Variants in PTPRD observed in about 807,000 individuals in gnomAD.
PTPRD encodes the protein protein tyrosine phosphatase receptor type D, also known as receptor-type tyrosine-protein phosphatase delta.
PTPRD carries 34 observed loss-of-function variants against 214.5 expected under a neutral mutation model. The observed-to-expected ratio is 0.16, with a 90% CI of 0.12 to 0.21. PTPRD has a LOEUF of 0.21. PTPRD is among the 10% of genes least tolerant of loss of function. The pLI is 1.00. For synonymous variants in PTPRD, 1,128 were observed against 845.7 expected (o/e 1.33, Z -5.79); for missense variants, 2,545 against 2,398.7 (o/e 1.06, Z -1.27).
chr9:8,549,053 T>G (rs2081200885), intron 14 of PTPRD, among the ~76,000 whole-genome samples: 1 of 152,068 alleles, frequency 6.6e-6, no homozygotes, highest in African/African-American at 2.4e-5. Flanking sequence ...AAAAGCAATC[T>G]CTGTCAAGGG....
chr9:9,811,773 T>C (rs914897804), intron 5 of PTPRD, among the ~76,000 whole-genome samples: 2 of 152,174 alleles, frequency 1.3e-5, no homozygotes, highest in South Asian at 2.1e-4. Context: ...GTGGATATTG[T>C]TGAAATGACA....
intron 2 of PTPRD, among the ~76,000 whole-genome samples, chr9:10,455,614 C>T (rs1012723341): frequency 6.6e-6 from 1 of 151,680 alleles, no homozygotes; most frequent in Non-Finnish European, 1.5e-5. Context: ...CTCTCTCTCC[C>T]CTTTTGTCTC....
intron 3 of PTPRD, among the ~76,000 whole-genome samples, chr9:10,302,311 C>T (rs951848262): frequency 6.6e-6 from 1 of 152,182 alleles, no homozygotes; most frequent in African/African-American, 2.4e-5. Flanking sequence ...ACTGCAAAAA[C>T]ATACCAAATT....
At chr9:10,294,866 T>G (rs1439531523) in intron 3 of PTPRD, among the ~76,000 whole-genome samples, 1 of 151,954 alleles carries the variant, frequency 6.6e-6, no homozygotes, top group Non-Finnish European at 1.5e-5. Flanking sequence ...CTAAATGGAG[T>G]AGCAATAATG....
chr9:8,851,722 T>A (rs1048688185), intron 11 of PTPRD, among the ~76,000 whole-genome samples: 7 of 152,216 alleles, frequency 4.6e-5, no homozygotes, highest in African/African-American at 1.7e-4. Context: ...AAACTGGATA[T>A]TCATTACATG....
intron 9 of PTPRD, among the ~76,000 whole-genome samples, chr9:9,250,519 G>T (rs754768573): frequency 1.3e-5 from 2 of 152,008 alleles, no homozygotes; most frequent in African/African-American, 4.8e-5. Flanking sequence ...TAACCCCAAT[G>T]ACAAAAGGTT....
At chr9:9,081,685 T>G (rs1414371002) in intron 10 of PTPRD, among the ~76,000 whole-genome samples, 1 of 152,118 alleles carries the variant, frequency 6.6e-6, no homozygotes, top group African/African-American at 2.4e-5. Flanking sequence ...GCTCCTGTAT[T>G]GGGTGCATAT....
At chr9:10,162,708 C>CGTATATATATACATATACAT (rs1564234225) in intron 3 of PTPRD, among the ~76,000 whole-genome samples, 23 of 144,570 alleles carry the variant, frequency 1.6e-4, no homozygotes, top group African/African-American at 3.8e-4. Context: ...TACATATACA[C>CGTATATATATACATATACAT]GTATATATAT....
intron 33 of PTPRD, among the ~76,000 whole-genome samples, chr9:8,456,183 G>C (rs1322846670): frequency 6.6e-6 from 1 of 152,158 alleles, no homozygotes; most frequent in South Asian, 2.1e-4. Flanking sequence ...TAATGAATAA[G>C]ACAGAGTCCT....
intron 7 of PTPRD, among the ~76,000 whole-genome samples, chr9:9,650,897 T>C (rs1390354211): frequency 6.6e-6 from 1 of 152,078 alleles, no homozygotes; most frequent in Non-Finnish European, 1.5e-5. Flanking sequence ...TATAAATAAA[T>C]GTTACATTTA....
chr9:9,441,664 A>C (rs2087885035), intron 8 of PTPRD, among the ~76,000 whole-genome samples: 1 of 152,198 alleles, frequency 6.6e-6, no homozygotes, highest in African/African-American at 2.4e-5. Flanking sequence ...ATTCTGAATC[A>C]ATGAGGCCAC....
At chr9:9,227,754 A>G (rs1435522561) in intron 9 of PTPRD, among the ~76,000 whole-genome samples, 3 of 152,100 alleles carry the variant, frequency 2.0e-5, no homozygotes, top group Non-Finnish European at 4.4e-5. Flanking sequence ...GCAGTGAAGA[A>G]CGGACACATC....
At chr9:9,610,455 G>C (rs1564037498) in intron 7 of PTPRD, among the ~76,000 whole-genome samples, 1 of 152,032 alleles carries the variant, frequency 6.6e-6, no homozygotes, top group Non-Finnish European at 1.5e-5. Context: ...ATCATGCTAG[G>C]GTAACCAATT....
At chr9:8,353,423 TG>T (rs2076044365) in intron 39 of PTPRD, among the ~76,000 whole-genome samples, 1 of 112,330 alleles carries the variant, frequency 8.9e-6, no homozygotes. Flanking sequence ...TATTTATGAA[TG>T]TATGAATGAA....
intron 7 of PTPRD, among the ~76,000 whole-genome samples, chr9:9,731,351 T>C (rs2098188078): frequency 6.6e-6 from 1 of 152,182 alleles, no homozygotes; most frequent in Non-Finnish European, 1.5e-5. Context: ...GAGTGTATCA[T>C]GATAATTCAG....
At chr9:10,541,986 C>G (rs1259414021) in intron 2 of PTPRD, among the ~76,000 whole-genome samples, 1 of 152,058 alleles carries the variant, frequency 6.6e-6, no homozygotes, top group Non-Finnish European at 1.5e-5. Context: ...TGTACCCTAA[C>G]AGGTCATAAC....
chr9:10,358,804 A>G (rs2097325081), intron 2 of PTPRD, among the ~76,000 whole-genome samples: 2 of 151,984 alleles, frequency 1.3e-5, no homozygotes, highest in African/African-American at 4.8e-5. Flanking sequence ...AAATAAGTCC[A>G]CTAAAATCAT....
At chr9:9,919,378 C>G (rs2081903580) in intron 5 of PTPRD, among the ~76,000 whole-genome samples, 1 of 152,220 alleles carries the variant, frequency 6.6e-6, no homozygotes, top group South Asian at 2.1e-4. Flanking sequence ...AAAGTCCCCC[C>G]ACAGGAAGGA....
intron 3 of PTPRD, among the ~76,000 whole-genome samples, chr9:10,056,637 A>G (rs1167901011): frequency 6.6e-6 from 1 of 152,138 alleles, no homozygotes; most frequent in Non-Finnish European, 1.5e-5. Context: ...CACATCCAAA[A>G]GTAAAAGCTA....
Sources: allele counts gnomAD v4.1 joint callset (sites outside exome capture counted in the v4.1 genomes callset), GRCh38; gene constraint gnomAD v4.1.1; transcripts MANE v1.5; gene names NCBI Gene and HGNC (gene_info 2026-07-23, HGNC 2026-07-21).